GJA3: variants seen among roughly 807,000 people sequenced by gnomAD.
The protein encoded by GJA3 is gap junction alpha-3 protein.
For synonymous variants in GJA3, 297 were observed against 292.6 expected (o/e 1.02, Z -0.15); for missense variants, 571 against 620.3 (o/e 0.92, Z 0.84).
chr13:20,139,198 T>C lies in GJA3; in HGVS notation c.*2783A>G, dbSNP rs892230607. ...TTGGTACTGTAACTATAGTGATGTT[T>C]AACATTTTATAAAAACAGGGATATA... On this transcript the variant is annotated 3_prime_UTR_variant, in exon 2 of 2. Coordinates refer to ENST00000241125, the MANE Select transcript of GJA3 (RefSeq NM_021954.4). 1 of 152,154 alleles carries C rather than the reference T, an allele frequency of 6.6e-6. No homozygotes were observed. The highest frequency in any genetic ancestry group is 1.5e-5 in the Non-Finnish European group (1 of 68,020). The allele number at this position is 152,154 out of a possible 1,614,324, so 9.4% of individuals were successfully genotyped here.
rs777289972 is a variant in GJA3, at chr13:20,142,472, C to T, written c.817G>A (p.Ala273Thr). 2.6e-6 allele frequency: 4 copies of T among 1,544,472 alleles called. No homozygotes were observed. The South Asian group carries it at 4.9e-5, about 19-fold the overall frequency. ...TGTCCCAGGGGCGCAGCGGTGTGCG[C>T]ATAGTAGGGTGGGAACCCGATGGCA... Reference protein sequence around the residue: ...AVAIGFPPYYAHTAAPLGQAR... With the variant: ...AVAIGFPPYYTHTAAPLGQAR... The change falls in exon 2 of 2, where the codon GCG becomes ACG. Residue 273 changes from alanine (A) to threonine (T), a missense_variant. Physicochemically the swap from Ala to Thr is moderately conservative, Grantham distance 58. Coordinates refer to ENST00000241125, the MANE Select transcript of GJA3 (RefSeq NM_021954.4).
At chr13:20,150,097 A>T (rs1958867745) in intron 1 of GJA3, among the ~76,000 whole-genome samples, 1 of 152,204 alleles carries the variant, frequency 6.6e-6, no homozygotes, top group Non-Finnish European at 1.5e-5. Flanking sequence ...GGGAATAAAA[A>T]AGCTATGAAC....
In GJA3 at chr13:20,138,335, G is replaced by A. The variant is rs915817136; in HGVS notation, c.*3646C>T. 6.6e-6 allele frequency: 1 copy of A among 152,282 alleles called. No homozygotes were observed. Among genetic ancestry groups the A allele is most frequent in the Middle Eastern group, 3.4e-3 (1 of 294 alleles). 9.4% of individuals were successfully genotyped at this position (152,282 alleles called of 1,614,324 possible). A position where few individuals can be genotyped will look rare whatever the true frequency, so the allele number is the denominator to read the frequency against. Reference sequence around the variant, plus strand: ...GTAATCCAGGAAAGACACTGTTATGGCACAAAAATTAAGTTTTAGTAAGAG... The same window carrying A: ...GTAATCCAGGAAAGACACTGTTATGACACAAAAATTAAGTTTTAGTAAGAG... On this transcript the variant is annotated 3_prime_UTR_variant, in exon 2 of 2. Transcript: ENST00000241125.
chr13:20,149,798 C>T (rs186360533), intron 1 of GJA3, among the ~76,000 whole-genome samples: 101 of 152,330 alleles, frequency 6.6e-4, no homozygotes, highest in Non-Finnish European at 1.1e-3. Context: ...GGCTTCTGCA[C>T]AGCAGAGCCA....
chr13:20,148,253 CTTTTTTTTTTT>C (rs71074204), intron 1 of GJA3, among the ~76,000 whole-genome samples: 32 of 90,732 alleles, frequency 3.5e-4, no homozygotes, highest in Admixed American at 1.9e-3. Flanking sequence ...TACTATGGTT[CTTTTTTTTTTT>C]TTTTTTTTTT....
chr13:20,155,981 G>A (rs1958904855), intron 1 of GJA3, among the ~76,000 whole-genome samples: 1 of 152,006 alleles, frequency 6.6e-6, no homozygotes, highest in Non-Finnish European at 1.5e-5. Flanking sequence ...ACTGATTTAG[G>A]AATATTATAA....
chr13:20,143,152 C>T lies in GJA3; in HGVS notation c.137G>A (p.Gly46Asp). ...GCAGGTGAAGTCTGACTGCTCATCG[C>T]CCCACACGTCCTCCGCCGCGGCCCC... ...VLGAAAEDVW[G>D]DEQSDFTCNT... Residue 46 changes from glycine (G) to aspartate (D), a missense_variant, in exon 2 of 2, where the codon GGC becomes GAC. Gly to Asp is a moderately conservative substitution (Grantham distance 94). Transcript: ENST00000241125. 1 of 1,610,614 alleles carries T rather than the reference C, an allele frequency of 6.2e-7. No homozygotes were observed. The highest frequency in any genetic ancestry group is 8.5e-7 in the Non-Finnish European group (1 of 1,177,538).
At chr13:20,159,203 ACT>A (rs1278770017) in intron 1 of GJA3, among the ~76,000 whole-genome samples, 1 of 151,948 alleles carries the variant, frequency 6.6e-6, no homozygotes, top group Non-Finnish European at 1.5e-5. Context: ...TGTGCCACAC[ACT>A]GAGGACAGCA....
rs1958789259 is a variant in GJA3, at chr13:20,138,536, G to A, written c.*3445C>T. On this transcript the variant is annotated 3_prime_UTR_variant, in exon 2 of 2. Coordinates refer to ENST00000241125, the MANE Select transcript of GJA3 (RefSeq NM_021954.4). ...ATTTTGGGCAGTCAGAAACCTTAAA[G>A]TGAGTCAACCCAAGATTTGCACTGT... The A allele has an allele frequency of 6.6e-6, 1 of 152,164 alleles. No individual in the cohort carries two copies. The highest frequency in any genetic ancestry group is 2.4e-5 in the African/African-American group (1 of 41,418). The allele number at this position is 152,164 out of a possible 1,614,324, so 9.4% of individuals were successfully genotyped here.
Position 20,142,021 on chromosome 13 carries a change from G to A in GJA3, c.1268C>T (p.Ala423Val). The A allele has an allele frequency of 6.4e-7, 1 of 1,550,416 alleles. No homozygotes were observed. Among genetic ancestry groups the A allele is most frequent in the African/African-American group, 1.4e-5 (1 of 73,172 alleles). Residue 423 changes from alanine to valine, a missense_variant, in exon 2 of 2, where the codon GCC becomes GTC. By Grantham distance (64) the Ala-to-Val change is moderately conservative (BLOSUM62 0). Transcript: ENST00000241125. ...CTCCGGTCTGGCCCGCCCGCTGCTG[G>A]CCCTGCTGGCCTTGCTGGCCCGACC... ...DPGRASKASRASSGRARPEDL... is the reference protein window; with the variant it reads ...DPGRASKASRVSSGRARPEDL...
rs375854334 is a variant in GJA3 at position 20,138,521 on chromosome 13, G to A, written c.*3460C>T. 1.3e-5 allele frequency: 2 copies of A among 152,172 alleles called. No homozygotes were observed. The highest frequency in any genetic ancestry group is 4.8e-5 in the African/African-American group (2 of 41,434). The allele number at this position is 152,172 out of a possible 1,614,324, so 9.4% of individuals were successfully genotyped here. A position where few individuals can be genotyped will look rare whatever the true frequency, so the allele number is the denominator to read the frequency against. On this transcript the variant is annotated 3_prime_UTR_variant, in exon 2 of 2. Transcript: ENST00000241125. ...TAAAGGGGAAAAAATATTTTGGGCA[G>A]TCAGAAACCTTAAAGTGAGTCAACC...
rs1436730259 is a variant in GJA3, at chr13:20,139,896, C to G, written c.*2085G>C. 2 of 152,144 alleles carry G rather than the reference C, an allele frequency of 1.3e-5. No individual in the cohort carries two copies. Among genetic ancestry groups the G allele is most frequent in the Non-Finnish European group, 2.9e-5 (2 of 68,030 alleles). 9.4% of individuals were successfully genotyped at this position (152,144 alleles called of 1,614,324 possible). A position where few individuals can be genotyped will look rare whatever the true frequency, so the allele number is the denominator to read the frequency against. On this transcript the variant is annotated 3_prime_UTR_variant, in exon 2 of 2. Coordinates refer to ENST00000241125, the MANE Select transcript of GJA3 (RefSeq NM_021954.4). ...TTTATTATGGTAGAACTTAAAGAAC[C>G]AAGTATTGACATCCACTTGTACTTG...
chr13:20,161,484 C>G (rs1339689257), upstream of GJA3, among the ~76,000 whole-genome samples: 2 of 152,098 alleles, frequency 1.3e-5, no homozygotes, highest in Non-Finnish European at 2.9e-5. Context: ...TCCGGGCGCT[C>G]CCACGGTCGG....
intron 1 of GJA3, among the ~76,000 whole-genome samples, chr13:20,154,664 C>T (rs181592413): frequency 1.3e-5 from 2 of 152,222 alleles, no homozygotes; most frequent in East Asian, 3.9e-4. Context: ...TCATTGAGCA[C>T]GATGTTTTAA....
At chr13:20,148,997 A>G (rs1217139408) in intron 1 of GJA3, among the ~76,000 whole-genome samples, 1 of 152,228 alleles carries the variant, frequency 6.6e-6, no homozygotes, top group African/African-American at 2.4e-5. Flanking sequence ...AGTCGTCTGA[A>G]TAACAAACAG....
chr13:20,148,759 G>A (rs1593336903), intron 1 of GJA3, among the ~76,000 whole-genome samples: 1 of 152,236 alleles, frequency 6.6e-6, no homozygotes, highest in South Asian at 2.1e-4. Context: ...AGGAAAAGAC[G>A]GGCTTTCGCT....
chr13:20,159,770 G>A (rs1261141870), intron 1 of GJA3, among the ~76,000 whole-genome samples: 1 of 152,162 alleles, frequency 6.6e-6, no homozygotes, highest in East Asian at 1.9e-4. Flanking sequence ...CTTATGAGAT[G>A]CTTATCTCGA....
At chr13:20,156,864 TAA>T (rs756096175) in intron 1 of GJA3, among the ~76,000 whole-genome samples, 1 of 152,180 alleles carries the variant, frequency 6.6e-6, no homozygotes, top group Non-Finnish European at 1.5e-5. Context: ...CAGGAAAATG[TAA>T]AGAGTTGCAG....
chr13:20,146,882 T>C (rs1256244006), intron 1 of GJA3, among the ~76,000 whole-genome samples: 1 of 152,238 alleles, frequency 6.6e-6, no homozygotes, highest in Admixed American at 6.5e-5. Flanking sequence ...CCCTGAGCAG[T>C]GCTGGCTGGC....
Sources: gnomAD v4.1 joint callset for allele counts (sites outside exome capture counted in the v4.1 genomes callset) on GRCh38, gnomAD v4.1.1 for gene constraint, MANE v1.5 for transcripts, NCBI Gene and HGNC (gene_info 2026-07-23, HGNC 2026-07-21) for gene names.